Variants in SHANK2 observed in about 807,000 individuals in gnomAD.
SHANK2 encodes the protein SH3 and multiple ankyrin repeat domains 2.
In SHANK2, 43 loss-of-function variants were observed where a neutral mutation model predicts 133.7. The ratio of observed to expected loss-of-function variants is 0.32; its 90% CI spans 0.25 to 0.41. The LOEUF (loss-of-function observed/expected upper bound fraction) is 0.41. Among genes scored for constraint, SHANK2 ranks in the 10% least tolerant of loss-of-function variants. The pLI, the probability that SHANK2 is intolerant of heterozygous loss-of-function variation, is 1.00. For missense variants in SHANK2, 1,994 were observed against 2,235.8 expected, an observed-to-expected ratio of 0.89 and a Z score of 2.18; for synonymous variants, 1,017 against 952.8, an observed-to-expected ratio of 1.07 and a Z score of -1.24.
At chr11:71,093,055 G>T (rs11823085) in intron 7 of SHANK2, among the ~76,000 whole-genome samples, 5 of 144,584 alleles carry the variant, frequency 3.5e-5, no homozygotes, top group African/African-American at 7.7e-5. Context: ...AAATAAAGGG[G>T]GGGGGGGGCA....
chr11:71,090,172 C>CTGTGTG (rs1191382012), intron 8 of SHANK2, among the ~76,000 whole-genome samples: 6,201 of 87,188 alleles, frequency 0.071, 927 homozygotes, highest in African/African-American at 0.2. Flanking sequence ...GAAACACAAC[C>CTGTGTG]TGTGTGTGTG....
At chr11:70,777,096 C>T (rs569086279) in intron 14 of SHANK2, among the ~76,000 whole-genome samples, 14 of 151,678 alleles carry the variant, frequency 9.2e-5, no homozygotes, top group African/African-American at 3.4e-4. Context: ...CACCCATCCT[C>T]CCCCACCTAC....
intron 17 of SHANK2, among the ~76,000 whole-genome samples, chr11:70,529,316 G>T (rs1349513494): frequency 6.6e-6 from 1 of 152,200 alleles, no homozygotes; most frequent in Non-Finnish European, 1.5e-5. Flanking sequence ...CAGATGGGAG[G>T]CTGGGCCCAG....
At chr11:71,085,881 A>G (rs1951393447) in intron 8 of SHANK2, among the ~76,000 whole-genome samples, 1 of 114 alleles carries the variant, frequency 8.8e-3, no homozygotes, top group South Asian at 0.5. Flanking sequence ...ATATATTTAT[A>G]TAACCTTAAT....
rs182541206 is a variant in SHANK2, at chr11:71,106,341, C to T, written c.592+3600G>A. Among the ~76,000 whole-genome samples the T allele has an allele frequency of 1.1e-3, 169 of 152,342 alleles. 1 individual carries two copies. Among genetic ancestry groups the T allele is most frequent in the African/African-American group, 3.8e-3 (159 of 41,574 alleles). On this transcript the variant is annotated intron_variant, in intron 6 of 25. Transcript: ENST00000601538. ...AAGAGGCTGGGCTCAGTGGCTCACG[C>T]CTGTAATCCAAACACTTCAGGAGGC... is the stretch of plus-strand genomic sequence containing the variant.
intron 14 of SHANK2, among the ~76,000 whole-genome samples, chr11:70,702,362 C>T (rs1465263204): frequency 9.9e-5 from 15 of 151,576 alleles, no homozygotes; most frequent in African/African-American, 3.6e-4. Flanking sequence ...CCACCATCAC[C>T]ATCATCACCA....
At chr11:70,514,095 C>A (rs1251626375) in intron 17 of SHANK2, among the ~76,000 whole-genome samples, 2 of 152,076 alleles carry the variant, frequency 1.3e-5, no homozygotes, top group Non-Finnish European at 2.9e-5. Context: ...TGCTCAAAGC[C>A]AAAGACAAGG....
chr11:70,842,149 C>T (rs1184350300), intron 11 of SHANK2, among the ~76,000 whole-genome samples: 3 of 152,208 alleles, frequency 2.0e-5, no homozygotes, highest in Admixed American at 6.5e-5. Flanking sequence ...TATCTGAAAA[C>T]TCACCAAGCA....
intron 3 of SHANK2, among the ~76,000 whole-genome samples, chr11:71,132,138 T>A (rs1229789356): frequency 6.6e-6 from 1 of 152,108 alleles, no homozygotes; most frequent in African/African-American, 2.4e-5. Context: ...AGCTGTGGTG[T>A]GGGAGGCCTT....
chr11:70,512,099 C>T (rs559680176), intron 17 of SHANK2, among the ~76,000 whole-genome samples: 1 of 152,308 alleles, frequency 6.6e-6, no homozygotes, highest in Admixed American at 6.5e-5. Flanking sequence ...AAAAGGATGA[C>T]TTGGCTCAGA....
At chr11:70,554,554 C>T (rs1046474194) in intron 17 of SHANK2, among the ~76,000 whole-genome samples, 2 of 152,142 alleles carry the variant, frequency 1.3e-5, no homozygotes, top group Non-Finnish European at 2.9e-5. Context: ...CTCTCCTCCC[C>T]CCTCCCCCAG....
At chr11:70,908,747 G>A (rs1355504721) in intron 10 of SHANK2, among the ~76,000 whole-genome samples, 5 of 152,166 alleles carry the variant, frequency 3.3e-5, no homozygotes, top group East Asian at 3.8e-4. Flanking sequence ...AGGGGTTGGC[G>A]GTGGGGGATC....
intron 2 of SHANK2, among the ~76,000 whole-genome samples, chr11:71,190,549 G>A (rs1403044833): frequency 2.0e-5 from 3 of 152,148 alleles, no homozygotes; most frequent in Admixed American, 1.3e-4. Flanking sequence ...ACAGATGGTT[G>A]ATGGGGAACA....
At chr11:70,585,256 G>A (rs782674835) in intron 17 of SHANK2, among the ~76,000 whole-genome samples, 1 of 152,264 alleles carries the variant, frequency 6.6e-6, no homozygotes, top group Non-Finnish European at 1.5e-5. Flanking sequence ...CTGATGCAAA[G>A]GGCACTGCCA....
chr11:70,759,944 C>T (rs782359452), intron 14 of SHANK2, among the ~76,000 whole-genome samples: 20 of 152,210 alleles, frequency 1.3e-4, no homozygotes, highest in Non-Finnish European at 2.6e-4. Flanking sequence ...GATTCTACCT[C>T]GGAGCTTCCA....
chr11:70,553,806 C>T (rs1486132803), intron 17 of SHANK2, among the ~76,000 whole-genome samples: 4 of 152,208 alleles, frequency 2.6e-5, no homozygotes, highest in African/African-American at 9.6e-5. Flanking sequence ...ATGTGTGATA[C>T]ATCCCTATAT....
chr11:70,858,898 C>T (rs1214869581), intron 11 of SHANK2, among the ~76,000 whole-genome samples: 1 of 152,256 alleles, frequency 6.6e-6, no homozygotes, highest in Non-Finnish European at 1.5e-5. Flanking sequence ...GCTGTCCACA[C>T]ACCTGTACAT....
intron 3 of SHANK2, among the ~76,000 whole-genome samples, chr11:71,124,510 ATAT>A (rs1490839891): frequency 2.6e-5 from 4 of 152,030 alleles, no homozygotes; most frequent in East Asian, 1.9e-4. Context: ...CCCTAAGTGG[ATAT>A]TATTATTACT....
At chr11:70,676,264 C>T (rs1944903966) in intron 15 of SHANK2, among the ~76,000 whole-genome samples, 1 of 152,246 alleles carries the variant, frequency 6.6e-6, no homozygotes, top group Admixed American at 6.5e-5. Context: ...CTTGCTATTG[C>T]AGCCTTTCCT....
Sources: allele counts gnomAD v4.1 joint callset (sites outside exome capture counted in the v4.1 genomes callset), GRCh38; gene constraint gnomAD v4.1.1; transcripts MANE v1.5; gene names NCBI Gene and HGNC (gene_info 2026-07-23, HGNC 2026-07-21).